GYS1: variants seen among roughly 807,000 people sequenced by gnomAD.
The protein encoded by GYS1 is glycogen synthase 1.
Under a neutral mutation model 89.1 loss-of-function variants are expected in GYS1, and 60 were observed. That is an observed-to-expected ratio of 0.67 (90% CI 0.55 to 0.84). The LOEUF (loss-of-function observed/expected upper bound fraction) is 0.84. Among genes scored for constraint, GYS1 ranks in the 40% least tolerant of loss-of-function variants. The pLI is 0.00. For missense variants in GYS1, 888 were observed against 1,003.1 expected (o/e 0.89, Z 1.55); for synonymous variants, 366 against 401.7 (o/e 0.91, Z 1.06).
In GYS1 at chr19:48,982,827, G is replaced by A. The variant is rs1800004654; in HGVS notation, c.834C>T (p.Thr278=). 2 of 1,600,206 alleles carry A rather than the reference G, an allele frequency of 1.2e-6. No homozygotes were observed. Among genetic ancestry groups the A allele is most frequent in the East Asian group, 4.5e-5 (2 of 44,804 alleles). The change falls in exon 6 of 16, where the codon ACC becomes ACT. Residue 278 remains threonine (T), a synonymous_variant. Transcript: ENST00000323798. ...HLLKRKPDIV[T]PNGLNVKKFS... ...ACTTCTTCACATTCAGCCCATTGGGGGTCACAATATCTGGGATTGGGGGTG... is the reference window on the plus strand; with the variant it reads ...ACTTCTTCACATTCAGCCCATTGGGAGTCACAATATCTGGGATTGGGGGTG...
chr19:48,985,481 T>A lies in GYS1; in HGVS notation c.803A>T (p.His268Leu), dbSNP rs769630976. The change falls in exon 5 of 16, where the codon CAC becomes CTC. Residue 268 changes from histidine to leucine, a missense_variant. By Grantham distance (99) the His-to-Leu change is moderately conservative. Coordinates refer to ENST00000323798, the MANE Select transcript of GYS1 (RefSeq NM_002103.5). Reference sequence around the variant, plus strand: ...CCTACCTGGTTTCCTCTTGAGCAAGTGCTGTGCCTCGATGGCGGTGATCTG... The same window carrying A: ...CCTACCTGGTTTCCTCTTGAGCAAGAGCTGTGCCTCGATGGCGGTGATCTG... Reference protein sequence around the residue: ...VSQITAIEAQHLLKRKPDIVT... With the variant: ...VSQITAIEAQLLLKRKPDIVT... 1.1e-5 allele frequency: 17 copies of A among 1,613,984 alleles called. No homozygotes were observed. The South Asian group carries it at 1.6e-4, about 16-fold the overall frequency.
chr19:48,970,192 A>G, intron 14 of GYS1: 2 of 464,882 alleles, frequency 4.3e-6, no homozygotes, highest in East Asian at 4.2e-5. Context: ...GGGTTTGAAC[A>G]AGGCTCACTG....
At position 48,991,047 on chromosome 19, in the gene GYS1, A is replaced by C. The variant is rs1038226558; in HGVS notation, c.300+255T>G. ...GCTCTCTTTCTCTCTGGGTCTGAGG[A>C]CCTTGGCCTCTTGGATCTCCGTCTC... On this transcript the variant is annotated intron_variant, in intron 2 of 15. Transcript: ENST00000323798. This position sits in a 1 kb window ranked among gnomAD's most constrained non-coding sequence, Gnocchi z 4.7. 4.6e-5 allele frequency among the ~76,000 whole-genome samples: 7 copies of C among 152,024 alleles called. No homozygotes were observed.
chr19:48,971,749 T>C (rs2038568604), intron 12 of GYS1, among the ~76,000 whole-genome samples: 1 of 151,262 alleles, frequency 6.6e-6, no homozygotes, highest in South Asian at 2.1e-4. Context: ...ATAGACAGGG[T>C]TTCACCATGT....
rs145862396 is a variant in GYS1 at position 48,981,013 on chromosome 19, T to A, written c.1169+517A>T. Among the ~76,000 whole-genome samples the A allele has an allele frequency of 2.9e-3, 438 of 151,652 alleles. 2 individuals are homozygous for A. Among genetic ancestry groups the A allele is most frequent in the Middle Eastern group, 0.01 (3 of 288 alleles). On this transcript the variant is annotated intron_variant, in intron 8 of 15. Coordinates refer to ENST00000323798, the MANE Select transcript of GYS1 (RefSeq NM_002103.5). The stretch of plus-strand genomic sequence containing the variant: ...CCTGTAGTCCCAGCTACTCAGAGGC[T>A]GAGGCAGGAAAATCGCTTGAACCCA...
Position 48,981,578 on chromosome 19 carries a change from T to C in GYS1, c.1121A>G (p.Asn374Ser), listed in dbSNP as rs200672892. The C allele has an allele frequency of 2.2e-4, 355 of 1,613,704 alleles. No homozygotes were observed. Among genetic ancestry groups the C allele is most frequent in the Non-Finnish European group, 2.8e-4 (326 of 1,179,694 alleles). ...AFFIMPARTN[N>S]FNVETLKGQA... ...GCCTTTGAGGGTTTCCACGTTGAAA[T>C]TGTTGGTCCGCGCTGGCATGATGAA... The change falls in exon 8 of 16, where the codon AAT (asparagine) becomes AGT (serine). Residue 374 changes from asparagine (N) to serine (S), a missense_variant. Physicochemically the swap from Asn to Ser is conservative, Grantham distance 46. Transcript: ENST00000323798.
At chr19:48,970,272 G>A (rs1296645849) in intron 14 of GYS1, 2 of 479,194 alleles carry the variant, frequency 4.2e-6, no homozygotes, top group East Asian at 4.1e-5. Flanking sequence ...CTACAGGCAC[G>A]CACCATCACG....
In GYS1 at chr19:48,991,196, T is replaced by C; in HGVS notation, c.300+106A>G. On this transcript the variant is annotated intron_variant, in intron 2 of 15. Transcript: ENST00000323798. This position sits in a 1 kb window ranked among gnomAD's most constrained non-coding sequence, Gnocchi z 4.7. ...CCTCCTTCCTGTGTCCAAGCCTGCC[T>C]CGCTCTCTGGCTGGGGCTGTCCACC... 1 of 1,246,328 alleles carries C rather than the reference T, an allele frequency of 8.0e-7. No homozygotes were observed. The highest frequency in any genetic ancestry group is 1.2e-6 in the Non-Finnish European group (1 of 857,632). 77.2% of individuals were successfully genotyped at this position (1,246,328 alleles called of 1,614,324 possible).
At chr19:48,981,378 A>C (rs2038759324) in intron 8 of GYS1, 152 bp downstream of exon 8, 1 of 666,462 alleles carries the variant, frequency 1.5e-6, no homozygotes. Flanking sequence ...GCACCACTAC[A>C]CTCCAGCCTG....
rs2038855851 is a variant in GYS1, at chr19:48,987,243, GCCTCGCGGTCGTA to G, written c.430_442del (p.Tyr144ProfsTer10). ...AAAGCCAAAGAGGACAGCGTCGTTGGCCTCGCGGTCGTACCACGGCACTCCGATGTTGCAGGTA... is the reference window on the plus strand; with the variant it reads ...AAAGCCAAAGAGGACAGCGTCGTTGGCCACGGCACTCCGATGTTGCAGGTA... On this transcript the variant is annotated frameshift_variant, in exon 3 of 16. Transcript: ENST00000323798. LOFTEE classifies it high-confidence loss of function. 6.2e-7 allele frequency: 1 copy of G among 1,613,358 alleles called. No homozygotes were observed. Among genetic ancestry groups the G allele is most frequent in the South Asian group, 1.1e-5 (1 of 90,938 alleles).
chr19:48,970,002 T>C (rs2038532602), intron 14 of GYS1, 147 bp from the exon 15 acceptor site: 2 of 656,714 alleles, frequency 3.0e-6, no homozygotes, highest in East Asian at 5.4e-5. Context: ...CTCCACCCCT[T>C]ATGTAGATAA....
At chr19:48,977,367 C>A (rs969794791) in intron 10 of GYS1, among the ~76,000 whole-genome samples, 1 of 152,312 alleles carries the variant, frequency 6.6e-6, no homozygotes, top group Non-Finnish European at 1.5e-5. Context: ...CTGAGGCAGA[C>A]AGAACACTTG....
At chr19:48,979,006 G>A (rs2038705174) in intron 8 of GYS1, among the ~76,000 whole-genome samples, 1 of 152,126 alleles carries the variant, frequency 6.6e-6, no homozygotes, top group Non-Finnish European at 1.5e-5. Flanking sequence ...CTCTCTGACT[G>A]CAGTGACTCA....
At chr19:48,987,869 C>T (rs567831712) in intron 2 of GYS1, among the ~76,000 whole-genome samples, 36 of 151,456 alleles carry the variant, frequency 2.4e-4, no homozygotes, top group African/African-American at 7.8e-4. Flanking sequence ...GGCATGATCT[C>T]GGCTCACTGC....
chr19:48,977,793 T>C (rs1311232473), intron 10 of GYS1, 131 bp downstream of exon 10: 5 of 751,246 alleles, frequency 6.7e-6, no homozygotes, highest in Middle Eastern at 3.4e-4. Flanking sequence ...GACCTCAGAA[T>C]AGATCCCTTC....
At chr19:48,978,061 G>A (rs759275423) in intron 9 of GYS1, 37 bp downstream of exon 9, 4 of 1,608,574 alleles carry the variant, frequency 2.5e-6, no homozygotes, top group East Asian at 2.2e-5. Context: ...GTTAGTCAGG[G>A]CCTAGGAGGG....
At chr19:48,985,276 G>C (rs888327509) in intron 5 of GYS1, among the ~76,000 whole-genome samples, 185 bp downstream of exon 5, 4 of 152,124 alleles carry the variant, frequency 2.6e-5, no homozygotes, top group Admixed American at 2.0e-4. Flanking sequence ...GGCTCAAGTG[G>C]TTCTCCTGCC....
intron 1 of GYS1, among the ~76,000 whole-genome samples, chr19:48,992,142 C>T (rs1277690649): frequency 6.6e-6 from 1 of 152,036 alleles, no homozygotes; most frequent in African/African-American, 2.4e-5. Flanking sequence ...CTGGCGATAC[C>T]CGGCTGGGTG....
intron 5 of GYS1, among the ~76,000 whole-genome samples, chr19:48,983,642 A>C (rs1029936409): frequency 5.3e-5 from 8 of 152,190 alleles, no homozygotes; most frequent in African/African-American, 1.9e-4. Flanking sequence ...GAACATATAG[A>C]GCTAACCAGT....
Sources: gnomAD v4.1 joint callset for allele counts (sites outside exome capture counted in the v4.1 genomes callset) on GRCh38, gnomAD v4.1.1 for gene constraint, Gnocchi (gnomAD v3.1) non-coding constraint, MANE v1.5 for transcripts, NCBI Gene and HGNC (gene_info 2026-07-23, HGNC 2026-07-21) for gene names.